The following CSNK1A1 variants were observed in gnomAD, a reference collection of about 807,000 sequenced individuals.
CSNK1A1 encodes casein kinase I isoform alpha.
A neutral mutation model predicts 46.1 loss-of-function variants in CSNK1A1; 7 were observed. The observed-to-expected ratio is 0.15, with a 90% CI of 0.09 to 0.29. CSNK1A1 has a LOEUF of 0.29. Ranked by LOEUF, CSNK1A1 falls within the 10% of genes least tolerant of loss-of-function variation. CSNK1A1 has a pLI of 1.00. For missense variants in CSNK1A1, 96 were observed against 417.1 expected (o/e 0.23, Z 6.71); for synonymous variants, 137 against 141.5 (o/e 0.97, Z 0.23).
intron 3 of CSNK1A1, 135 bp from the exon 4 acceptor site, chr5:149,520,523 C>T (rs1407076499): frequency 5.1e-6 from 3 of 582,718 alleles, no homozygotes; most frequent in Non-Finnish European, 6.1e-6. Flanking sequence ...GAAAGGACAA[C>T]TAAGTTCTCC....
chr5:149,506,666 T>A (rs774475065), intron 8 of CSNK1A1, among the ~76,000 whole-genome samples: 1 of 152,208 alleles, frequency 6.6e-6, no homozygotes, highest in Non-Finnish European at 1.5e-5. Flanking sequence ...CTGCTACCAC[T>A]TGATCAGACT....
chr5:149,518,205 G>C (rs1372304771), intron 4 of CSNK1A1, among the ~76,000 whole-genome samples: 1 of 151,918 alleles, frequency 6.6e-6, no homozygotes, highest in Non-Finnish European at 1.5e-5. Flanking sequence ...ACCACAATCT[G>C]CCCTTCCCCC....
At chr5:149,500,731 G>C (rs1292042192) in intron 9 of CSNK1A1, among the ~76,000 whole-genome samples, 4 of 151,850 alleles carry the variant, frequency 2.6e-5, no homozygotes, top group Non-Finnish European at 2.9e-5. Context: ...CTGGCTGCTT[G>C]TGTGGTTCTG....
chr5:149,547,442 A>T (rs2113205655), intron 2 of CSNK1A1, among the ~76,000 whole-genome samples: 1 of 152,374 alleles, frequency 6.6e-6, no homozygotes. Context: ...CTGAAAAATG[A>T]CAATGCTTAA....
chr5:149,535,361 TACTAC>T (rs1236509642), intron 2 of CSNK1A1, among the ~76,000 whole-genome samples: 1 of 152,194 alleles, frequency 6.6e-6, no homozygotes, highest in Non-Finnish European at 1.5e-5. Flanking sequence ...CTGCTAACTT[TACTAC>T]ACAAGAGTAA....
chr5:149,533,107 TG>T (rs769183039), intron 2 of CSNK1A1, among the ~76,000 whole-genome samples: 3 of 152,216 alleles, frequency 2.0e-5, no homozygotes, highest in Non-Finnish European at 4.4e-5. Flanking sequence ...CTTTGTTCCT[TG>T]CCCTTTGCCT....
In CSNK1A1 at chr5:149,545,571, T is replaced by C. The variant is rs1418107200; in HGVS notation, c.230+4504A>G. On this transcript the variant is annotated intron_variant, in intron 2 of 9. Coordinates refer to ENST00000377843, the MANE Select transcript of CSNK1A1 (RefSeq NM_001892.6). ...GGACAATGTAGGCAAGTCAATCGAG[T>C]TCGCAGCTGACACCCTTTGGGATCT... is the stretch of plus-strand genomic sequence containing the variant. 9.6e-6 allele frequency: 7 copies of C among 726,158 alleles called. No homozygotes were observed. In the East Asian group the frequency reaches 1.7e-4, roughly 18 times the overall value. 45.0% of individuals were successfully genotyped at this position (726,158 alleles called of 1,614,324 possible). A position where few individuals can be genotyped will look rare whatever the true frequency, so the allele number is the denominator to read the frequency against.
chr5:149,519,912 C>G (rs781625867), intron 4 of CSNK1A1, among the ~76,000 whole-genome samples: 22 of 151,976 alleles, frequency 1.4e-4, no homozygotes, highest in Non-Finnish European at 3.1e-4. Flanking sequence ...ACCCACACTT[C>G]AGAGCCAAAG....
intron 9 of CSNK1A1, chr5:149,497,544 T>C (rs912847964): frequency 8.1e-6 from 8 of 985,318 alleles, no homozygotes; most frequent in Admixed American, 6.1e-5. Context: ...GGCCTCTACA[T>C]AGGCCCTAGG....
intron 9 of CSNK1A1, chr5:149,504,442 A>C: frequency 3.0e-6 from 3 of 985,388 alleles, no homozygotes; most frequent in South Asian, 4.7e-5. Context: ...CAGTATTCAG[A>C]AATTTAAAAA....
chr5:149,535,626 G>A (rs953883820), intron 2 of CSNK1A1, among the ~76,000 whole-genome samples: 4 of 152,048 alleles, frequency 2.6e-5, no homozygotes, highest in Non-Finnish European at 4.4e-5. Flanking sequence ...AGACCAAATG[G>A]CTTTCTTTTT....
In CSNK1A1 at chr5:149,542,660, A is replaced by G. The variant is rs866236097; in HGVS notation, c.230+7415T>C. Among the ~76,000 whole-genome samples the G allele has an allele frequency of 3.9e-3, 26 of 6,598 alleles. 1 individual carries two copies. Among genetic ancestry groups the G allele is most frequent in the Middle Eastern group, 0.071 (1 of 14 alleles). 4.3% of individuals were successfully genotyped at this position (6,598 alleles called of 152,430 possible). A position where few individuals can be genotyped will look rare whatever the true frequency, so the allele number is the denominator to read the frequency against. Reference sequence around the variant, plus strand: ...TATATGTATATATATATATATATATATATATATATATGTATATATATATAT... The same window carrying G: ...TATATGTATATATATATATATATATGTATATATATATGTATATATATATAT... On this transcript the variant is annotated intron_variant, in intron 2 of 9. Coordinates refer to ENST00000377843, the MANE Select transcript of CSNK1A1 (RefSeq NM_001892.6).
chr5:149,534,024 T>A (rs562799177), intron 2 of CSNK1A1, among the ~76,000 whole-genome samples: 1 of 152,332 alleles, frequency 6.6e-6, no homozygotes, highest in East Asian at 1.9e-4. Context: ...TTGTACAACT[T>A]TGTACATATA....
rs1218839719 is a variant in CSNK1A1 at position 149,550,413 on chromosome 5, GA to G, written c.124-233del. 5 of 1,260,614 alleles carry G rather than the reference GA, an allele frequency of 4.0e-6. No individual in the cohort carries two copies. The highest frequency in any genetic ancestry group is 4.1e-6 in the Non-Finnish European group (4 of 982,874). The allele number at this position is 1,260,614 out of a possible 1,614,324, so 78.1% of individuals were successfully genotyped here. A position where few individuals can be genotyped will look rare whatever the true frequency, so the allele number is the denominator to read the frequency against. On this transcript the variant is annotated intron_variant, in intron 1 of 9. Transcript: ENST00000377843. This position sits in a 1 kb window ranked among gnomAD's most constrained non-coding sequence, Gnocchi z 4.3. ...AAAGTGCAGGAAAATGATTCATCCA[GA>G]AAAAAGAGGCAACCTCTGAACGTAG...
intron 2 of CSNK1A1, among the ~76,000 whole-genome samples, chr5:149,541,845 C>T (rs1213778658): frequency 1.3e-5 from 2 of 151,744 alleles, no homozygotes; most frequent in South Asian, 2.1e-4. Context: ...GTGGTATATG[C>T]CTGTAGTCCT....
Position 149,550,955 on chromosome 5 carries a change from T to C in CSNK1A1, c.10A>G (p.Ser4Gly), listed in dbSNP as rs1466275104. The change falls in exon 1 of 10, where the codon AGC becomes GGC. Residue 4 changes from serine to glycine, a missense_variant. Ser to Gly is a moderately conservative substitution (Grantham distance 56). Coordinates refer to ENST00000377843, the MANE Select transcript of CSNK1A1 (RefSeq NM_001892.6). The surrounding 1 kb of genome is among the most constrained non-coding windows in gnomAD (Gnocchi z 4.3). ...ATGAATTCAGCCTTGGAGCCGCTGC[T>C]ACTCGCCATCCTGAGAGACGAAGAT... is the stretch of plus-strand genomic sequence containing the variant. MAS[S>G]SGSKAEFIVG... 6.2e-7 allele frequency: 1 copy of C among 1,614,094 alleles called. No homozygotes were observed. Among genetic ancestry groups the C allele is most frequent in the African/African-American group, 1.3e-5 (1 of 75,064 alleles).
At chr5:149,498,226 CCTT>C in intron 9 of CSNK1A1, 1 of 984,700 alleles carries the variant, frequency 1.0e-6, no homozygotes, top group Non-Finnish European at 1.2e-6. Flanking sequence ...CATATATGCC[CCTT>C]TTTTTTTTTG....
intron 9 of CSNK1A1, chr5:149,501,536 T>C (rs1760855836): frequency 2.0e-6 from 2 of 985,264 alleles, no homozygotes; most frequent in Non-Finnish European, 2.4e-6. Context: ...TAGGTCAATA[T>C]GATAGAAAAA....
intron 2 of CSNK1A1, among the ~76,000 whole-genome samples, chr5:149,543,604 T>C (rs911048728): frequency 6.6e-5 from 10 of 152,144 alleles, no homozygotes; most frequent in Non-Finnish European, 1.5e-5. Context: ...TCACAGGATA[T>C]ATGCTCAGTG....
Sources: allele counts gnomAD v4.1 joint callset (sites outside exome capture counted in the v4.1 genomes callset), GRCh38; gene constraint gnomAD v4.1.1; non-coding constraint Gnocchi (gnomAD v3.1); transcripts MANE v1.5; gene names NCBI Gene and HGNC (gene_info 2026-07-23, HGNC 2026-07-21).